Variants in MPV17L observed in about 807,000 individuals in gnomAD.
The protein encoded by MPV17L is mpv17-like protein.
A neutral mutation model predicts 25.8 loss-of-function variants in MPV17L; 24 were observed. The ratio of observed to expected loss-of-function variants is 0.93; its 90% CI spans 0.67 to 1.31. The LOEUF (loss-of-function observed/expected upper bound fraction) is 1.31, where lower values mean the gene tolerates loss of function less well. Among genes scored for constraint, MPV17L ranks in the 50% most tolerant of loss-of-function variants. The pLI is 0.00. For missense variants in MPV17L, 250 were observed against 265.6 expected, an observed-to-expected ratio of 0.94 and a Z score of 0.41; for synonymous variants, 102 against 115.3, an observed-to-expected ratio of 0.88 and a Z score of 0.74.
At chr16:15,401,079 TA>T (rs1165521661) in intron 2 of MPV17L, among the ~76,000 whole-genome samples, 606 of 42,476 alleles carry the variant, frequency 0.014, 5 homozygotes, top group East Asian at 0.047. Flanking sequence ...TATATATATA[TA>T]TATATATTTT....
At chr16:15,397,397 G>T (rs182718543) in intron 1 of MPV17L, among the ~76,000 whole-genome samples, 1 of 152,156 alleles carries the variant, frequency 6.6e-6, no homozygotes, top group South Asian at 2.1e-4. Flanking sequence ...ACCTCATTCC[G>T]CCCAGGGTTG....
Position 15,396,043 on chromosome 16 carries a change from G to C in MPV17L, c.146G>C (p.Arg49Pro). The change falls in exon 1 of 4, where the codon CGG becomes CCG. Residue 49 changes from arginine to proline, a missense_variant. Coordinates refer to ENST00000396385, the MANE Select transcript of MPV17L (RefSeq NM_001128423.2). ...CGCGAGGCCAACTGGCGCCAGACGCGGCGCGTGGCCACGTTGGTGGTGACC... is the reference window on the plus strand; with the variant it reads ...CGCGAGGCCAACTGGCGCCAGACGCCGCGCGTGGCCACGTTGGTGGTGACC... ...QGREANWRQT[R>P]RVATLVVTFH... 6.5e-7 allele frequency: 1 copy of C among 1,534,960 alleles called. No individual in the cohort carries two copies. The highest frequency in any genetic ancestry group is 2.5e-5 in the East Asian group (1 of 40,346).
rs143383368 is a variant in MPV17L at position 15,399,123 on chromosome 16, C to G, written c.311-1664C>G. ...TGTCCGCTATTAACCTCTCTAAGCT[C>G]TTTTCCTCCTTTGTAACTCTACCCA... On this transcript the variant is annotated intron_variant, in intron 1 of 3. Transcript: ENST00000396385. 2.1e-5 allele frequency among the ~76,000 whole-genome samples: 3 copies of G among 140,946 alleles called. No individual in the cohort carries two copies. The East Asian group carries it at 5.8e-4, about 27-fold the overall frequency. 92.5% of individuals were successfully genotyped at this position (140,946 alleles called of 152,430 possible). A position where few individuals can be genotyped will look rare whatever the true frequency, so the allele number is the denominator to read the frequency against.
chr16:15,411,787 CTA>C lies in MPV17L; in HGVS notation c.*3677_*3678del, dbSNP rs2050735749. On this transcript the variant is annotated 3_prime_UTR_variant, in exon 4 of 4. Transcript: ENST00000396385. ...TGGCCAACACAGTGAAACCCCGTCTCTATTAAAAATACAAAATTAACCGGACA... is the reference window on the plus strand; with the variant it reads ...TGGCCAACACAGTGAAACCCCGTCTCTTAAAAATACAAAATTAACCGGACA... The C allele has an allele frequency of 6.6e-6, 1 of 152,034 alleles. No homozygotes were observed. Among genetic ancestry groups the C allele is most frequent in the Non-Finnish European group, 1.5e-5 (1 of 68,036 alleles). 9.4% of individuals were successfully genotyped at this position (152,034 alleles called of 1,614,324 possible).
chr16:15,407,267 A>G (rs2050688568), intron 2 of MPV17L, among the ~76,000 whole-genome samples: 1 of 152,098 alleles, frequency 6.6e-6, no homozygotes, highest in Non-Finnish European at 1.5e-5. Context: ...TATAATTAAT[A>G]TAGGAATGTC....
chr16:15,400,816 A>AT lies in MPV17L; in HGVS notation c.341dup (p.Phe115IlefsTer58). On this transcript the variant is annotated frameshift_variant, in exon 2 of 4. Transcript: ENST00000396385. LOFTEE classifies it high-confidence loss of function. Reference sequence around the variant, plus strand: ...GAGCATTCTCCAAGGAAAGGATGACATATTTTTGGACCTGAAACAGAAATT... The same window carrying AT: ...GAGCATTCTCCAAGGAAAGGATGACATTATTTTTGGACCTGAAACAGAAATT... The AT allele has an allele frequency of 1.2e-6, 2 of 1,604,420 alleles. No homozygotes were observed. The highest frequency in any genetic ancestry group is 1.7e-6 in the Non-Finnish European group (2 of 1,175,756).
At position 15,396,197 on chromosome 16, in the gene MPV17L, C is replaced by T. The variant is rs1013988256; in HGVS notation, c.300C>T (p.Ala100=). The T allele has an allele frequency of 1.3e-6, 2 of 1,549,652 alleles. No homozygotes were observed. Among genetic ancestry groups the T allele is most frequent in the African/African-American group, 2.7e-5 (2 of 73,104 alleles). ...QVVGAPIAVS[A]FYVGMSILQG... Reference sequence around the variant, plus strand: ...TCGGTGCGCCCATCGCGGTCTCGGCCTTCTATGTCGGTGAGGGGCCGGGAG... The same window carrying T: ...TCGGTGCGCCCATCGCGGTCTCGGCTTTCTATGTCGGTGAGGGGCCGGGAG... The change falls in exon 1 of 4, where the codon GCC becomes GCT. Residue 100 remains alanine, a synonymous_variant. Coordinates refer to ENST00000396385, the MANE Select transcript of MPV17L (RefSeq NM_001128423.2).
chr16:15,401,235 C>A (rs2050638833), intron 2 of MPV17L, among the ~76,000 whole-genome samples: 2 of 150,916 alleles, frequency 1.3e-5, no homozygotes, highest in Non-Finnish European at 3.0e-5. Flanking sequence ...ACCTCAGCCT[C>A]CTGAGTAGCT....
intron 2 of MPV17L, 30 bp downstream of exon 2, chr16:15,400,887 T>A: frequency 6.8e-7 from 1 of 1,468,918 alleles, no homozygotes; most frequent in Non-Finnish European, 9.3e-7. Context: ...ATGTAATCAC[T>A]ATATTTTTGT....
intron 2 of MPV17L, among the ~76,000 whole-genome samples, chr16:15,407,107 G>C (rs1010878183): frequency 6.6e-6 from 1 of 151,754 alleles, no homozygotes; most frequent in South Asian, 2.1e-4. Flanking sequence ...AGAATTCATT[G>C]ATGATTCTGT....
intron 1 of MPV17L, among the ~76,000 whole-genome samples, chr16:15,398,960 A>T (rs1192805810): frequency 2.0e-5 from 3 of 151,896 alleles, no homozygotes; most frequent in Non-Finnish European, 2.9e-5. Context: ...GTGGAAGGGG[A>T]TAGAGTGGAG....
rs760010128 is a variant in MPV17L at position 15,396,046 on chromosome 16, G to T, written c.149G>T (p.Arg50Leu). 2 of 1,535,718 alleles carry T rather than the reference G, an allele frequency of 1.3e-6. No individual in the cohort carries two copies. Among genetic ancestry groups the T allele is most frequent in the African/African-American group, 1.4e-5 (1 of 72,080 alleles). Residue 50 changes from arginine (R) to leucine (L), a missense_variant, in exon 1 of 4, where the codon CGC (arginine) becomes CTC (leucine). Physicochemically the swap from Arg to Leu is moderately radical, Grantham distance 102. Coordinates refer to ENST00000396385, the MANE Select transcript of MPV17L (RefSeq NM_001128423.2). The stretch of plus-strand genomic sequence containing the variant: ...GAGGCCAACTGGCGCCAGACGCGGC[G>T]CGTGGCCACGTTGGTGGTGACCTTC... Reference protein sequence around the residue: ...GREANWRQTRRVATLVVTFHA... With the variant: ...GREANWRQTRLVATLVVTFHA...
Position 15,396,265 on chromosome 16 carries a change from G to A in MPV17L, c.310+58G>A. The A allele has an allele frequency of 6.6e-6, 10 of 1,521,774 alleles. No individual in the cohort carries two copies. The South Asian group carries it at 1.1e-4, about 17-fold the overall frequency. 94.3% of individuals were successfully genotyped at this position (1,521,774 alleles called of 1,614,324 possible). A position where few individuals can be genotyped will look rare whatever the true frequency, so the allele number is the denominator to read the frequency against. On this transcript the variant is annotated intron_variant, in intron 1 of 3. Transcript: ENST00000396385. ...ACCCAGTATTGGGGGACTGGAGGCT[G>A]GGACTCGGGGATCAAGCGGCTGGAG...
At position 15,412,131 on chromosome 16, in the gene MPV17L, G is replaced by C. The variant is rs555928627; in HGVS notation, c.*4019G>C. On this transcript the variant is annotated 3_prime_UTR_variant, in exon 4 of 4. Coordinates refer to ENST00000396385, the MANE Select transcript of MPV17L (RefSeq NM_001128423.2). ...AATTAGGCCACTTGAGAGTTTGTGCGTGTTTATAATTTTCTGGCTGGGCCC... is the reference window on the plus strand; with the variant it reads ...AATTAGGCCACTTGAGAGTTTGTGCCTGTTTATAATTTTCTGGCTGGGCCC... 9 of 150,872 alleles carry C rather than the reference G, an allele frequency of 6.0e-5. No individual in the cohort carries two copies. The highest frequency in any genetic ancestry group is 3.3e-4 in the Admixed American group (5 of 15,128). The allele number at this position is 150,872 out of a possible 1,614,324, so 9.3% of individuals were successfully genotyped here. A position where few individuals can be genotyped will look rare whatever the true frequency, so the allele number is the denominator to read the frequency against.
intron 2 of MPV17L, among the ~76,000 whole-genome samples, chr16:15,403,738 G>A (rs1412454196): frequency 6.6e-6 from 1 of 151,198 alleles, no homozygotes; most frequent in Admixed American, 6.6e-5. Context: ...ATTTGTAAAT[G>A]AACAAAACCA....
chr16:15,405,374 G>GAA (rs796083571), intron 2 of MPV17L, among the ~76,000 whole-genome samples: 5 of 98,082 alleles, frequency 5.1e-5, no homozygotes, highest in Non-Finnish European at 8.7e-5. Flanking sequence ...TCTGTATTAA[G>GAA]AAAAAAAAAA....
At chr16:15,406,855 G>C (rs1424652165) in intron 2 of MPV17L, among the ~76,000 whole-genome samples, 1 of 152,116 alleles carries the variant, frequency 6.6e-6, no homozygotes, top group African/African-American at 2.4e-5. Context: ...GAACCTAGGA[G>C]GCAGATGTTG....
intron 2 of MPV17L, among the ~76,000 whole-genome samples, chr16:15,405,574 G>A (rs1306756443): frequency 6.6e-6 from 1 of 151,110 alleles, no homozygotes; most frequent in Non-Finnish European, 1.5e-5. Context: ...TCAGCCTCTT[G>A]AGTAGCTGAG....
At chr16:15,402,674 GTTT>G (rs1167895603) in intron 2 of MPV17L, among the ~76,000 whole-genome samples, 1 of 152,048 alleles carries the variant, frequency 6.6e-6, no homozygotes, top group Non-Finnish European at 1.5e-5. Flanking sequence ...GTGTGTTTTG[GTTT>G]TTTTGTTTGT....
Sources: allele counts gnomAD v4.1 joint callset (sites outside exome capture counted in the v4.1 genomes callset), GRCh38; gene constraint gnomAD v4.1.1; transcripts MANE v1.5; gene names NCBI Gene and HGNC (gene_info 2026-07-23, HGNC 2026-07-21).